The following ATXN7L1 variants were observed in gnomAD, a reference collection of about 807,000 sequenced individuals.
ATXN7L1 encodes ataxin-7-like protein 1.
ATXN7L1 carries 15 observed loss-of-function variants against 70.8 expected under a neutral mutation model. The ratio of observed to expected loss-of-function variants is 0.21; its 90% confidence interval spans 0.14 to 0.33. ATXN7L1 has a LOEUF of 0.33. Among genes scored for constraint, ATXN7L1 ranks in the 10% least tolerant of loss-of-function variants. The pLI is 1.00. For synonymous variants in ATXN7L1, 440 were observed against 445.1 expected, an observed-to-expected ratio of 0.99 and a Z score of 0.14; for missense variants, 975 against 1,097.1, an observed-to-expected ratio of 0.89 and a Z score of 1.57.
rs186615803 is a variant in ATXN7L1 at position 105,813,588 on chromosome 7, C to T, written c.251-24880G>A. Among the ~76,000 whole-genome samples the T allele has an allele frequency of 4.7e-4, 71 of 152,264 alleles. No homozygotes were observed. In the South Asian group the frequency reaches 8.1e-3, roughly 17 times the overall value. On this transcript the variant is annotated intron_variant, in intron 2 of 11. Coordinates refer to ENST00000419735, the MANE Select transcript of ATXN7L1 (RefSeq NM_020725.2). ...CCGACCTCAGGTGATCCACCCGCCT[C>T]GGCCTCTCAAAGTGCTGGGATTACA...
intron 7 of ATXN7L1, among the ~76,000 whole-genome samples, chr7:105,630,734 AT>A (rs1796470828): frequency 2.6e-5 from 4 of 151,864 alleles, no homozygotes; most frequent in Non-Finnish European, 5.9e-5. Flanking sequence ...AAATAAATAA[AT>A]AAATAAATAA....
intron 3 of ATXN7L1, among the ~76,000 whole-genome samples, chr7:105,746,468 C>T (rs1010852351): frequency 6.6e-6 from 1 of 152,190 alleles, no homozygotes; most frequent in Non-Finnish European, 1.5e-5. Flanking sequence ...TGGCATGTCC[C>T]CAGCTTCTGC....
chr7:105,869,179 C>A (rs1817894055), intron 2 of ATXN7L1, among the ~76,000 whole-genome samples: 1 of 152,164 alleles, frequency 6.6e-6, no homozygotes, highest in Non-Finnish European at 1.5e-5. Context: ...CTCCATCTCT[C>A]CCATCCTTCC....
At chr7:105,622,315 C>A (rs1217805961) in intron 8 of ATXN7L1, among the ~76,000 whole-genome samples, 1 of 152,242 alleles carries the variant, frequency 6.6e-6, no homozygotes, top group Admixed American at 6.5e-5. Flanking sequence ...CAGAGTCTGG[C>A]CTTCTGGCAG....
chr7:105,618,670 T>TG (rs1448613968), intron 9 of ATXN7L1, among the ~76,000 whole-genome samples: 6 of 152,218 alleles, frequency 3.9e-5, no homozygotes, highest in Admixed American at 3.3e-4. Context: ...AGTGGGCAGC[T>TG]GGGGGGCCTC....
intron 2 of ATXN7L1, among the ~76,000 whole-genome samples, chr7:105,870,703 T>C (rs904727192): frequency 6.6e-6 from 1 of 152,228 alleles, no homozygotes; most frequent in Non-Finnish European, 1.5e-5. Flanking sequence ...CCTAATTAGC[T>C]TGAAAAAGCT....
intron 3 of ATXN7L1, among the ~76,000 whole-genome samples, chr7:105,745,700 G>A (rs779823017): frequency 6.6e-6 from 1 of 152,224 alleles, no homozygotes; most frequent in African/African-American, 2.4e-5. Flanking sequence ...CCTTTGGGAC[G>A]ATGCTGGGCC....
intron 3 of ATXN7L1, among the ~76,000 whole-genome samples, chr7:105,783,869 T>TTGTGACTGGC (rs1803886259): frequency 6.6e-6 from 1 of 152,182 alleles, no homozygotes; most frequent in South Asian, 2.1e-4. Context: ...CCTGGGGACC[T>TTGTGACTGGC]ATTACTTGTG....
rs1176697618 is a variant in ATXN7L1, at chr7:105,619,495, CATATATATATATATATATAT to C, written c.1517+685_1517+704del. ...GTAGTATTAACATCACAAACAGAAGCATATATATATATATATATATATATATATATATATATTTTTTTTTT... is the reference window on the plus strand; with the variant it reads ...GTAGTATTAACATCACAAACAGAAGCATATATATATATATATTTTTTTTTT... On this transcript the variant is annotated intron_variant, in intron 9 of 11. Coordinates refer to ENST00000419735, the MANE Select transcript of ATXN7L1 (RefSeq NM_020725.2). Among the ~76,000 whole-genome samples the C allele has an allele frequency of 2.4e-3, 67 of 27,644 alleles. 3 individuals are homozygous for C. The East Asian group carries it at 0.061, about 25-fold the overall frequency. 18.1% of individuals were successfully genotyped at this position (27,644 alleles called of 152,430 possible). A position where few individuals can be genotyped will look rare whatever the true frequency, so the allele number is the denominator to read the frequency against.
chr7:105,796,378 T>TAAA (rs1805995022), intron 2 of ATXN7L1, among the ~76,000 whole-genome samples: 2 of 151,896 alleles, frequency 1.3e-5, no homozygotes, highest in African/African-American at 2.4e-5. Flanking sequence ...AATAAATAAA[T>TAAA]TAATTAATTA....
At chr7:105,663,762 GA>G (rs1802074379) in intron 4 of ATXN7L1, among the ~76,000 whole-genome samples, 1 of 147,666 alleles carries the variant, frequency 6.8e-6, no homozygotes, top group African/African-American at 2.7e-5. Flanking sequence ...AAAAGCCTCA[GA>G]TTTTTTTTTT....
At chr7:105,819,928 T>A in intron 2 of ATXN7L1, 1 of 506,176 alleles carries the variant, frequency 2.0e-6, no homozygotes, top group Non-Finnish European at 3.9e-6. Context: ...CGAGGTTTGC[T>A]GTAAGTACCT....
At chr7:105,866,629 A>C (rs891703917) in intron 2 of ATXN7L1, among the ~76,000 whole-genome samples, 1 of 152,192 alleles carries the variant, frequency 6.6e-6, no homozygotes, top group African/African-American at 2.4e-5. Context: ...GAGCTCTACC[A>C]CAGGAGAGAG....
At position 105,740,784 on chromosome 7, in the gene ATXN7L1, T is replaced by TTTTTTTTTTTTTTTTTTG. The variant is rs556048408; in HGVS notation, c.355+47819_355+47820insCAAAAAAAAAAAAAAAAA. Reference sequence around the variant, plus strand: ...GGCTCCATTCATTTTTTTTTTTTTTTAATGGAGTCTCACTCTGTCGCCCAG... The same window carrying TTTTTTTTTTTTTTTTTTG: ...GGCTCCATTCATTTTTTTTTTTTTTTTTTTTTTTTTTTTTTTTGAATGGAGTCTCACTCTGTCGCCCAG... On this transcript the variant is annotated intron_variant, in intron 3 of 11. Transcript: ENST00000419735. Among the ~76,000 whole-genome samples the TTTTTTTTTTTTTTTTTTG allele has an allele frequency of 5.6e-3, 434 of 77,880 alleles. 120 individuals are homozygous for TTTTTTTTTTTTTTTTTTG. The highest frequency in any genetic ancestry group is 0.025 in the African/African-American group (405 of 16,316). 51.1% of individuals were successfully genotyped at this position (77,880 alleles called of 152,430 possible).
Position 105,704,589 on chromosome 7 carries a change from T to A in ATXN7L1, c.356-39301A>T, listed in dbSNP as rs1361430619. Reference sequence around the variant, plus strand: ...TGTCCAGAGAGGTTTTATCTCTTTTTTTTTTTTTTTTTTTTTTTTTTTTAG... The same window carrying A: ...TGTCCAGAGAGGTTTTATCTCTTTTATTTTTTTTTTTTTTTTTTTTTTTAG... On this transcript the variant is annotated intron_variant, in intron 3 of 11. Coordinates refer to ENST00000419735, the MANE Select transcript of ATXN7L1 (RefSeq NM_020725.2). Among the ~76,000 whole-genome samples, 2 of 135,988 alleles carry A rather than the reference T, an allele frequency of 1.5e-5. 1 individual carries two copies. Among genetic ancestry groups the A allele is most frequent in the Non-Finnish European group, 3.1e-5 (2 of 64,036 alleles). The allele number at this position is 135,988 out of a possible 152,430, so 89.2% of individuals were successfully genotyped here. A position where few individuals can be genotyped will look rare whatever the true frequency, so the allele number is the denominator to read the frequency against.
At chr7:105,848,037 G>C (rs1585143605) in intron 2 of ATXN7L1, among the ~76,000 whole-genome samples, 1 of 152,140 alleles carries the variant, frequency 6.6e-6, no homozygotes, top group East Asian at 1.9e-4. Context: ...TTAATCTATA[G>C]AGGGCTCTTA....
At chr7:105,823,841 G>C (rs1264775117) in intron 2 of ATXN7L1, among the ~76,000 whole-genome samples, 1 of 152,222 alleles carries the variant, frequency 6.6e-6, no homozygotes, top group Non-Finnish European at 1.5e-5. Context: ...TGCAAAGTGA[G>C]TATATCCGCC....
At chr7:105,862,374 G>A (rs1010018498) in intron 2 of ATXN7L1, among the ~76,000 whole-genome samples, 4 of 152,132 alleles carry the variant, frequency 2.6e-5, no homozygotes, top group African/African-American at 9.7e-5. Context: ...GGGAGGTCAA[G>A]GCTGCAGTGA....
intron 2 of ATXN7L1, among the ~76,000 whole-genome samples, chr7:105,844,764 A>G (rs1233764574): frequency 6.6e-6 from 1 of 152,210 alleles, no homozygotes; most frequent in Non-Finnish European, 1.5e-5. Flanking sequence ...ATGCATTCAG[A>G]TTGGAAAGGA....
Sources: gnomAD v4.1 joint callset for allele counts (sites outside exome capture counted in the v4.1 genomes callset) on GRCh38, gnomAD v4.1.1 for gene constraint, MANE v1.5 for transcripts, NCBI Gene and HGNC (gene_info 2026-07-23, HGNC 2026-07-21) for gene names.